OPRM1: variants seen among roughly 807,000 people sequenced by gnomAD.
OPRM1 encodes mu-type opioid receptor.
A neutral mutation model predicts 31.8 loss-of-function variants in OPRM1; 27 were observed. That is an observed-to-expected ratio of 0.85 (90% CI 0.63 to 1.17). The LOEUF (loss-of-function observed/expected upper bound fraction) is 1.17. Among genes scored for constraint, OPRM1 ranks in the 50% most tolerant of loss-of-function variants. OPRM1 has a pLI of 0.00. For missense variants in OPRM1, 536 were observed against 511.1 expected, an observed-to-expected ratio of 1.05 and a Z score of -0.47; for synonymous variants, 196 against 189.9, an observed-to-expected ratio of 1.03 and a Z score of -0.26.
At position 154,090,658 on chromosome 6, in the gene OPRM1, T is replaced by C. The variant is rs144002548; in HGVS notation, c.644-294T>C. ...AATTATTACATTTTTTATATCAATA[T>C]AGACCTCATGGAGGATCTAGCTCAT... is the stretch of plus-strand genomic sequence containing the variant. On this transcript the variant is annotated intron_variant, in intron 2 of 3. Coordinates refer to ENST00000330432, the MANE Select transcript of OPRM1 (RefSeq NM_000914.5). 1.3e-3 allele frequency among the ~76,000 whole-genome samples: 195 copies of C among 152,348 alleles called. 1 individual carries two copies. Among genetic ancestry groups the C allele is most frequent in the African/African-American group, 4.5e-3 (187 of 41,580 alleles).
intron 1 of OPRM1, among the ~76,000 whole-genome samples, chr6:154,043,297 C>T (rs998175861): frequency 3.9e-5 from 6 of 151,990 alleles, no homozygotes; most frequent in African/African-American, 1.2e-4. Flanking sequence ...CATTTAAATA[C>T]GTGCAAGATG....
chr6:154,212,468 A>G (rs1161350611), intron 3 of OPRM1, among the ~76,000 whole-genome samples: 1 of 152,224 alleles, frequency 6.6e-6, no homozygotes, highest in Non-Finnish European at 1.5e-5. Flanking sequence ...ACATAAATAA[A>G]CACTGTCAAA....
At chr6:154,220,455 G>C (rs567436011) in intron 3 of OPRM1, among the ~76,000 whole-genome samples, 7 of 152,068 alleles carry the variant, frequency 4.6e-5, no homozygotes, top group African/African-American at 1.4e-4. Flanking sequence ...TCAGGAGTTC[G>C]AGACCAGCCT....
At chr6:154,099,863 TATC>T (rs889040544) in intron 3 of OPRM1, among the ~76,000 whole-genome samples, 25 of 146,140 alleles carry the variant, frequency 1.7e-4, no homozygotes, top group Admixed American at 9.7e-4. Context: ...TATTATATAT[TATC>T]ATATGATATA....
intron 3 of OPRM1, among the ~76,000 whole-genome samples, chr6:154,188,841 T>C (rs542369301): frequency 6.6e-6 from 1 of 152,322 alleles, no homozygotes; most frequent in Non-Finnish European, 1.5e-5. Flanking sequence ...ATCTCATTCA[T>C]GGAACACATC....
chr6:154,099,308 AAAGGAAGG>A (rs1250384082), intron 3 of OPRM1, among the ~76,000 whole-genome samples: 1 of 87,236 alleles, frequency 1.1e-5, no homozygotes, highest in Non-Finnish European at 2.1e-5. Flanking sequence ...AGGAAGGAAG[AAAGGAAGG>A]AAGGAAGGAA....
At chr6:154,207,059 GGA>G (rs541428058) in intron 3 of OPRM1, among the ~76,000 whole-genome samples, 41 of 152,146 alleles carry the variant, frequency 2.7e-4, no homozygotes, top group Non-Finnish European at 4.7e-4. Flanking sequence ...GTTTTTAGGA[GGA>G]GAGAGAGAGG....
At chr6:154,177,118 A>G (rs541738014) in intron 3 of OPRM1, among the ~76,000 whole-genome samples, 1 of 152,316 alleles carries the variant, frequency 6.6e-6, no homozygotes, top group East Asian at 1.9e-4. Context: ...CCTTCCTTAC[A>G]CCTTATACAA....
chr6:154,195,796 T>C (rs1776570323), intron 3 of OPRM1, among the ~76,000 whole-genome samples: 1 of 151,602 alleles, frequency 6.6e-6, no homozygotes, highest in South Asian at 2.1e-4. Context: ...TCACAATTTT[T>C]TTTTTTTTTT....
chr6:154,244,384 C>A (rs1398639878), intron 3 of OPRM1, among the ~76,000 whole-genome samples: 1 of 151,520 alleles, frequency 6.6e-6, no homozygotes, highest in Non-Finnish European at 1.5e-5. Flanking sequence ...AGTTTTATAA[C>A]CATTAGTTTG....
intron 3 of OPRM1, chr6:154,093,470 G>A (rs377689737): frequency 1.2e-5 from 19 of 1,612,736 alleles, no homozygotes; most frequent in African/African-American, 5.3e-5. Flanking sequence ...TCAGTTGCCC[G>A]ACACTGCCCT....
At chr6:154,204,729 AC>A (rs1231093045) in intron 3 of OPRM1, among the ~76,000 whole-genome samples, 1 of 151,810 alleles carries the variant, frequency 6.6e-6, no homozygotes, top group Non-Finnish European at 1.5e-5. Flanking sequence ...CCCCCATCCC[AC>A]CCCAGTCCAT....
intron 1 of OPRM1, among the ~76,000 whole-genome samples, chr6:154,062,530 G>A (rs2128438664): frequency 6.6e-6 from 1 of 151,806 alleles, no homozygotes; most frequent in East Asian, 1.9e-4. Flanking sequence ...GTTTTCCACA[G>A]GGAAAGGAAA....
At chr6:154,175,487 GA>G (rs1800241646) in intron 3 of OPRM1, among the ~76,000 whole-genome samples, 1 of 151,404 alleles carries the variant, frequency 6.6e-6, no homozygotes, top group Non-Finnish European at 1.5e-5. Context: ...TGATAAAGGG[GA>G]TATCACCACC....
chr6:154,082,335 A>G (rs973633205), intron 1 of OPRM1, among the ~76,000 whole-genome samples: 1 of 151,936 alleles, frequency 6.6e-6, no homozygotes, highest in Non-Finnish European at 1.5e-5. Context: ...GTTATTTTTC[A>G]TATTTTACTT....
chr6:154,194,712 T>C (rs899200325), intron 3 of OPRM1, among the ~76,000 whole-genome samples: 3 of 152,180 alleles, frequency 2.0e-5, no homozygotes, highest in Non-Finnish European at 4.4e-5. Flanking sequence ...ATGTAAAATC[T>C]AAGTACTATG....
At chr6:154,093,018 A>G (rs1270714518) in intron 3 of OPRM1, among the ~76,000 whole-genome samples, 1 of 152,232 alleles carries the variant, frequency 6.6e-6, no homozygotes, top group African/African-American at 2.4e-5. Context: ...AGTAATTGCA[A>G]AAACAGCGAT....
intron 1 of OPRM1, chr6:154,086,988 G>A (rs1297374485): frequency 1.0e-6 from 1 of 983,770 alleles, no homozygotes; most frequent in African/African-American, 1.8e-5. Context: ...TTGTACTTTG[G>A]AGTATTTGTC....
At chr6:154,042,006 T>C (rs2128399330) in intron 1 of OPRM1, among the ~76,000 whole-genome samples, 1 of 152,314 alleles carries the variant, frequency 6.6e-6, no homozygotes, top group Middle Eastern at 3.4e-3. Flanking sequence ...GCATTACCTC[T>C]GGCCTCTTGT....
Sources: allele counts gnomAD v4.1 joint callset (sites outside exome capture counted in the v4.1 genomes callset), GRCh38; gene constraint gnomAD v4.1.1; transcripts MANE v1.5; gene names NCBI Gene and HGNC (gene_info 2026-07-23, HGNC 2026-07-21).